SEZ6L: variants seen among roughly 807,000 people sequenced by gnomAD.
The protein encoded by SEZ6L is seizure related 6 homolog like.
In SEZ6L, 37 loss-of-function variants were observed where a neutral mutation model predicts 106.2. The observed-to-expected ratio is 0.35, with a 90% confidence interval of 0.27 to 0.46. The LOEUF (loss-of-function observed/expected upper bound fraction) is 0.46. SEZ6L is among the 20% of genes least tolerant of loss of function. The pLI, the probability that SEZ6L is intolerant of heterozygous loss-of-function variation, is 1.00. For missense variants in SEZ6L, 1,172 were observed against 1,332.8 expected, an observed-to-expected ratio of 0.88 and a Z score of 1.88; for synonymous variants, 541 against 570.4, an observed-to-expected ratio of 0.95 and a Z score of 0.73.
chr22:26,256,775 G>A (rs1430461277), intron 1 of SEZ6L, among the ~76,000 whole-genome samples: 1 of 152,208 alleles, frequency 6.6e-6, no homozygotes, highest in Non-Finnish European at 1.5e-5. Context: ...AAACTCTGGG[G>A]GTAGGGCCTG....
intron 1 of SEZ6L, among the ~76,000 whole-genome samples, chr22:26,234,518 T>C (rs1409649295): frequency 1.3e-5 from 2 of 152,210 alleles, no homozygotes; most frequent in Non-Finnish European, 2.9e-5. Context: ...AACGTCTTGC[T>C]CTCTGGCTTG....
rs553373193 is a variant in SEZ6L, at chr22:26,296,770, C to T, written c.970-118C>T. 325 of 835,608 alleles carry T rather than the reference C, an allele frequency of 3.9e-4. 1 individual carries two copies. The highest frequency in any genetic ancestry group is 4.9e-4 in the Non-Finnish European group (286 of 587,342). The allele number at this position is 835,608 out of a possible 1,614,324, so 51.8% of individuals were successfully genotyped here. ...GGCTCGGCATGGGGCCCAGGGGTCCCGTTGACCAGGGGCTAGCAGTACCTG... is the reference window on the plus strand; with the variant it reads ...GGCTCGGCATGGGGCCCAGGGGTCCTGTTGACCAGGGGCTAGCAGTACCTG... On this transcript the variant is annotated intron_variant, in intron 3 of 16. Coordinates refer to ENST00000248933, the MANE Select transcript of SEZ6L (RefSeq NM_021115.5).
chr22:26,257,301 C>T (rs2079854416), intron 1 of SEZ6L, among the ~76,000 whole-genome samples: 1 of 152,174 alleles, frequency 6.6e-6, no homozygotes, highest in African/African-American at 2.4e-5. Flanking sequence ...TTATCTTGAT[C>T]TCATTCCTAT....
At position 26,311,979 on chromosome 22, in the gene SEZ6L, C is replaced by T. The variant is rs373990487; in HGVS notation, c.1876+17C>T. ...TGTGCAGAGGTGAGCGGATCCACAA[C>T]GCTCTTCCCACGGCACCCCAGGGAT... On this transcript the variant is annotated intron_variant, in intron 8 of 16. Coordinates refer to ENST00000248933, the MANE Select transcript of SEZ6L (RefSeq NM_021115.5). 176 of 1,606,242 alleles carry T rather than the reference C, an allele frequency of 1.1e-4. No homozygotes were observed. Among genetic ancestry groups the T allele is most frequent in the Middle Eastern group, 1.7e-4 (1 of 5,846 alleles).
chr22:26,340,400 A>G (rs1601545926), intron 9 of SEZ6L, 36 bp from the exon 10 acceptor site: 2 of 1,566,646 alleles, frequency 1.3e-6, no homozygotes, highest in Middle Eastern at 1.7e-4. Flanking sequence ...CCCATTCTCT[A>G]TTTCACATGA....
intron 11 of SEZ6L, among the ~76,000 whole-genome samples, chr22:26,348,427 G>A (rs566503995): frequency 1.6e-4 from 24 of 149,020 alleles, no homozygotes; most frequent in African/African-American, 3.7e-4. Context: ...TTGCTGGAAC[G>A]CAGGTGTTTG....
chr22:26,220,652 T>G (rs2145722974), intron 1 of SEZ6L, among the ~76,000 whole-genome samples: 1 of 152,242 alleles, frequency 6.6e-6, no homozygotes, highest in South Asian at 2.1e-4. Flanking sequence ...TCACTATATG[T>G]AAAGCCTACA....
At chr22:26,284,795 G>A (rs1338174749) in intron 1 of SEZ6L, among the ~76,000 whole-genome samples, 1 of 152,096 alleles carries the variant, frequency 6.6e-6, no homozygotes, top group Non-Finnish European at 1.5e-5. Flanking sequence ...ATAATTATTT[G>A]AAGATGTGGG....
intron 1 of SEZ6L, among the ~76,000 whole-genome samples, chr22:26,231,993 G>T (rs571268283): frequency 6.6e-6 from 1 of 152,082 alleles, no homozygotes; most frequent in South Asian, 2.1e-4. Context: ...CACTCCATGG[G>T]GCACTGCAAC....
At chr22:26,184,550 G>A (rs549382366) in intron 1 of SEZ6L, among the ~76,000 whole-genome samples, 2 of 152,328 alleles carry the variant, frequency 1.3e-5, no homozygotes, top group African/African-American at 4.8e-5. Context: ...TGTGGGCTCT[G>A]CTGTAGGTGC....
intron 1 of SEZ6L, among the ~76,000 whole-genome samples, chr22:26,170,982 A>G (rs1938560080): frequency 6.6e-6 from 1 of 152,018 alleles, no homozygotes; most frequent in South Asian, 2.1e-4. Flanking sequence ...TTCAGCACCA[A>G]AGGCCCTGGA....
chr22:26,254,059 G>A (rs751777607), intron 1 of SEZ6L: 2 of 152,238 alleles, frequency 1.3e-5, no homozygotes, highest in South Asian at 2.1e-4. Flanking sequence ...TACCCTTGAG[G>A]GACCACATTA....
intron 4 of SEZ6L, among the ~76,000 whole-genome samples, chr22:26,298,449 G>A (rs1191818894): frequency 1.3e-5 from 2 of 152,200 alleles, no homozygotes; most frequent in East Asian, 3.8e-4. Context: ...CTGTAAGGTG[G>A]AGGCACTGAG....
At chr22:26,208,556 T>C (rs1004055682) in intron 1 of SEZ6L, among the ~76,000 whole-genome samples, 2 of 152,190 alleles carry the variant, frequency 1.3e-5, no homozygotes, top group Non-Finnish European at 2.9e-5. Flanking sequence ...ATCTATGAGG[T>C]TTCAACTTAT....
chr22:26,292,249 AGAAAG>A (rs1248637221), intron 1 of SEZ6L, 152 bp from the exon 2 acceptor site: 1 of 586,172 alleles, frequency 1.7e-6, no homozygotes, highest in Non-Finnish European at 3.0e-6. Context: ...AGGAGAAAAA[AGAAAG>A]GAAGGGAGGG....
chr22:26,344,443 T>G (rs2082943551), intron 10 of SEZ6L, among the ~76,000 whole-genome samples: 1 of 152,238 alleles, frequency 6.6e-6, no homozygotes, highest in African/African-American at 2.4e-5. Context: ...AGCTCCATAT[T>G]GTAAGTCAAC....
At chr22:26,366,476 T>C (rs1172445484) in intron 13 of SEZ6L, among the ~76,000 whole-genome samples, 2 of 152,148 alleles carry the variant, frequency 1.3e-5, no homozygotes, top group African/African-American at 4.8e-5. Flanking sequence ...GGAGGATTGC[T>C]TGAGCCGGGG....
chr22:26,241,121 T>C (rs2079116083), intron 1 of SEZ6L, among the ~76,000 whole-genome samples: 2 of 152,160 alleles, frequency 1.3e-5, no homozygotes, highest in African/African-American at 4.8e-5. Context: ...GTTATCCCCA[T>C]TCGAAAGATG....
chr22:26,340,292 C>A, intron 9 of SEZ6L, 144 bp from the exon 10 acceptor site: 1 of 708,846 alleles, frequency 1.4e-6, no homozygotes, highest in Admixed American at 2.5e-5. Flanking sequence ...CAATCTTACC[C>A]TCAGCTTGGG....
Sources: gnomAD v4.1 joint callset for allele counts (sites outside exome capture counted in the v4.1 genomes callset) on GRCh38, gnomAD v4.1.1 for gene constraint, MANE v1.5 for transcripts, NCBI Gene and HGNC (gene_info 2026-07-23, HGNC 2026-07-21) for gene names.